Variants in CXCL13 observed in about 807,000 individuals in gnomAD.
The protein encoded by CXCL13 is C-X-C motif chemokine 13.
In CXCL13, 7 loss-of-function variants were observed where a neutral mutation model predicts 12.2. The ratio of observed to expected loss-of-function variants is 0.57; its 90% CI spans 0.33 to 1.07. CXCL13 has a LOEUF of 1.07. CXCL13 is among the 50% of genes least tolerant of loss of function. The pLI is 0.04. For synonymous variants in CXCL13, 47 were observed against 42.4 expected (o/e 1.11, Z -0.42); for missense variants, 113 against 127.4 (o/e 0.89, Z 0.55).
chr4:77,536,089 A>T (rs1475369120), intron 1 of CXCL13, among the ~76,000 whole-genome samples: 1 of 152,164 alleles, frequency 6.6e-6, no homozygotes, highest in East Asian at 1.9e-4. Context: ...GGCCAAACCC[A>T]ACTGGAATCC....
At chr4:77,526,835 G>A (rs1407761361) in intron 1 of CXCL13, among the ~76,000 whole-genome samples, 2 of 152,166 alleles carry the variant, frequency 1.3e-5, no homozygotes, top group Non-Finnish European at 2.9e-5. Context: ...TTTGAGCTGA[G>A]ACCCAAAGCC....
intron 2 of CXCL13, among the ~76,000 whole-genome samples, chr4:77,609,961 T>C (rs1300393045): frequency 2.6e-5 from 4 of 152,240 alleles, no homozygotes; most frequent in Non-Finnish European, 5.9e-5. Flanking sequence ...TTTTGTGAGA[T>C]GAATTGAAAT....
chr4:77,519,116 G>A (rs967546776), intron 1 of CXCL13, among the ~76,000 whole-genome samples: 6 of 152,150 alleles, frequency 3.9e-5, no homozygotes, highest in Admixed American at 2.0e-4. Flanking sequence ...GGTTTTTTGT[G>A]AACCGTGAAT....
intron 1 of CXCL13, among the ~76,000 whole-genome samples, chr4:77,553,327 G>T (rs1385384464): frequency 6.6e-6 from 1 of 152,242 alleles, no homozygotes; most frequent in Non-Finnish European, 1.5e-5. Flanking sequence ...TGTGGCCCAG[G>T]ACTGAAGTTC....
At chr4:77,566,791 C>T (rs1032553713) in intron 1 of CXCL13, among the ~76,000 whole-genome samples, 6 of 152,260 alleles carry the variant, frequency 3.9e-5, no homozygotes, top group Middle Eastern at 6.8e-3. Context: ...CACTACAAAA[C>T]GTAACAACAC....
chr4:77,551,284 TC>T lies in CXCL13; in HGVS notation c.-43+39498del, dbSNP rs200120856. On this transcript the variant is annotated intron_variant, in intron 1 of 4. Coordinates refer to the CXCL13 transcript ENST00000286758. ...ATTATTTTGTTTCCATGTTTAAAAT[TC>T]CTTTGAGGCTCTCTTGAAGGTTGGT... Among the ~76,000 whole-genome samples, 677 of 152,346 alleles carry T rather than the reference TC, an allele frequency of 4.4e-3. 19 individuals are homozygous for T. The highest frequency in any genetic ancestry group is 0.028 in the East Asian group (143 of 5,190).
intron 1 of CXCL13, among the ~76,000 whole-genome samples, chr4:77,545,263 G>GT (rs1393442259): frequency 6.6e-6 from 1 of 152,158 alleles, no homozygotes; most frequent in African/African-American, 2.4e-5. Flanking sequence ...CTTTAAAGTA[G>GT]TTTTTTCTAA....
At chr4:77,526,420 A>G (rs1030890732) in intron 1 of CXCL13, among the ~76,000 whole-genome samples, 12 of 152,244 alleles carry the variant, frequency 7.9e-5, no homozygotes, top group African/African-American at 2.9e-4. Flanking sequence ...CACATTGTAA[A>G]ATATGATGTA....
chr4:77,607,586 G>A, intron 1 of CXCL13, 117 bp from the exon 2 acceptor site: 1 of 869,096 alleles, frequency 1.2e-6, no homozygotes, highest in Non-Finnish European at 1.8e-6. Context: ...ATGGGTGGAA[G>A]CACTGACTTG....
At chr4:77,605,815 AAC>A, upstream of CXCL13, 1 of 1,301,274 alleles carries the variant, frequency 7.7e-7, no homozygotes, top group Non-Finnish European at 1.1e-6. Flanking sequence ...TGGTACTGCA[AAC>A]CCACAGCCTG....
intron 1 of CXCL13, among the ~76,000 whole-genome samples, chr4:77,589,266 C>T (rs866874876): frequency 5.3e-5 from 8 of 152,174 alleles, no homozygotes; most frequent in Non-Finnish European, 7.3e-5. Context: ...AATCTCATGC[C>T]ATCCTGCTTC....
At chr4:77,562,174 A>AC (rs1279221613) in intron 1 of CXCL13, among the ~76,000 whole-genome samples, 214 of 17,566 alleles carry the variant, frequency 0.012, 1 homozygote, top group East Asian at 0.034. Flanking sequence ...CGCTGCCCCC[A>AC]CCCCCCCATC....
chr4:77,599,417 GA>G (rs1057440262), intron 1 of CXCL13, among the ~76,000 whole-genome samples: 14 of 152,146 alleles, frequency 9.2e-5, no homozygotes, highest in African/African-American at 2.9e-4. Flanking sequence ...ATAATGACAA[GA>G]AAAAAATCTG....
At position 77,611,080 on chromosome 4, in the gene CXCL13, T is replaced by A. The variant is rs1392982791; in HGVS notation, c.*41T>A. The A allele has an allele frequency of 6.6e-7, 1 of 1,508,122 alleles. No homozygotes were observed. The highest frequency in any genetic ancestry group is 9.1e-7 in the Non-Finnish European group (1 of 1,095,052). 93.4% of individuals were successfully genotyped at this position (1,508,122 alleles called of 1,614,324 possible). A position where few individuals can be genotyped will look rare whatever the true frequency, so the allele number is the denominator to read the frequency against. On this transcript the variant is annotated 3_prime_UTR_variant, in exon 4 of 4. Coordinates refer to ENST00000682537, the MANE Select transcript of CXCL13 (RefSeq NM_001371558.1). ...TAAGAACACCTGCATTCTTCCCTTATCCCTGCTCTGGATTTTAGTTTTGTG... is the reference window on the plus strand; with the variant it reads ...TAAGAACACCTGCATTCTTCCCTTAACCCTGCTCTGGATTTTAGTTTTGTG...
chr4:77,583,755 C>T (rs1726390760), intron 1 of CXCL13, among the ~76,000 whole-genome samples: 9 of 152,202 alleles, frequency 5.9e-5, no homozygotes, highest in Admixed American at 5.9e-4. Flanking sequence ...AGGTGCTTAT[C>T]TCCATCAAGG....
At chr4:77,565,663 A>C (rs567232654) in intron 1 of CXCL13, among the ~76,000 whole-genome samples, 23 of 152,298 alleles carry the variant, frequency 1.5e-4, no homozygotes, top group African/African-American at 5.5e-4. Context: ...ATATCTATCA[A>C]GTGTAAAACA....
chr4:77,544,178 G>A (rs1172591697), intron 1 of CXCL13, among the ~76,000 whole-genome samples: 1 of 152,104 alleles, frequency 6.6e-6, no homozygotes, highest in East Asian at 1.9e-4. Flanking sequence ...CCAAGTCTTT[G>A]CTATTGGGAA....
intron 1 of CXCL13, among the ~76,000 whole-genome samples, chr4:77,522,217 C>G (rs1247417302): frequency 3.9e-5 from 6 of 152,050 alleles, no homozygotes; most frequent in Non-Finnish European, 7.4e-5. Context: ...CTGTAGATGT[C>G]TATTAGGTCT....
At chr4:77,584,161 G>T (rs917022261) in intron 1 of CXCL13, among the ~76,000 whole-genome samples, 1 of 152,136 alleles carries the variant, frequency 6.6e-6, no homozygotes, top group East Asian at 1.9e-4. Context: ...ATGATTCCAT[G>T]GCCTAGATAG....
Sources: gnomAD v4.1 joint callset for allele counts (sites outside exome capture counted in the v4.1 genomes callset) on GRCh38, gnomAD v4.1.1 for gene constraint, MANE v1.5 for transcripts, NCBI Gene and HGNC (gene_info 2026-07-23, HGNC 2026-07-21) for gene names.